DCLK3: variants seen among roughly 807,000 people sequenced by gnomAD.
The protein encoded by DCLK3 is serine/threonine-protein kinase DCLK3.
DCLK3 carries 30 observed loss-of-function variants against 46.4 expected under a neutral mutation model. The observed-to-expected ratio is 0.65, with a 90% CI of 0.48 to 0.88. The LOEUF (loss-of-function observed/expected upper bound fraction) is 0.88, where lower values mean the gene tolerates loss of function less well. Among genes scored for constraint, DCLK3 ranks in the 40% least tolerant of loss-of-function variants. DCLK3 has a pLI of 0.00. For synonymous variants in DCLK3, 401 were observed against 339.2 expected (o/e 1.18, Z -2.00); for missense variants, 846 against 907.1 (o/e 0.93, Z 0.87).
intron 1 of DCLK3, among the ~76,000 whole-genome samples, chr3:36,744,613 G>A (rs1475862666): frequency 6.6e-6 from 1 of 152,196 alleles, no homozygotes; most frequent in Non-Finnish European, 1.5e-5. Context: ...GATGTCCAGT[G>A]CATTGCTCTG....
chr3:36,740,970 T>C (rs1375682388), intron 1 of DCLK3, among the ~76,000 whole-genome samples: 1 of 152,214 alleles, frequency 6.6e-6, no homozygotes, highest in East Asian at 1.9e-4. Flanking sequence ...ATGATTTCCA[T>C]CTAGACGCAG....
intron 1 of DCLK3, among the ~76,000 whole-genome samples, chr3:36,750,440 C>T (rs1170067939): frequency 6.6e-6 from 1 of 152,194 alleles, no homozygotes; most frequent in Non-Finnish European, 1.5e-5. Flanking sequence ...AATAGCTCCA[C>T]TGTGCTGTTT....
At chr3:36,729,252 G>C (rs1006665960) in intron 2 of DCLK3, among the ~76,000 whole-genome samples, 1 of 109,146 alleles carries the variant, frequency 9.2e-6, no homozygotes, top group Admixed American at 8.4e-5. Flanking sequence ...TGTGTGTGGG[G>C]GGGGGGGGTA....
rs1303960670 is a variant in DCLK3, at chr3:36,713,904, A to G, written c.*1424T>C. On this transcript the variant is annotated 3_prime_UTR_variant, in exon 5 of 5. Coordinates refer to ENST00000636136, the MANE Select transcript of DCLK3 (RefSeq NM_001394672.2). The stretch of plus-strand genomic sequence containing the variant: ...TATAGCCTGCTTCAGGAGGGAGCTG[A>G]AAGGTGTCTCTTCCAGTGGAGGGTA... 1 of 152,306 alleles carries G rather than the reference A, an allele frequency of 6.6e-6. No individual in the cohort carries two copies. The highest frequency in any genetic ancestry group is 2.4e-5 in the African/African-American group (1 of 41,446). 9.4% of individuals were successfully genotyped at this position (152,306 alleles called of 1,614,324 possible).
chr3:36,751,377 C>T (rs1701440316), intron 1 of DCLK3, among the ~76,000 whole-genome samples: 1 of 152,214 alleles, frequency 6.6e-6, no homozygotes, highest in African/African-American at 2.4e-5. Context: ...CTAGCCCGTC[C>T]TCCCAGGATA....
chr3:36,737,501 T>C lies in DCLK3; in HGVS notation c.1666A>G (p.Ile556Val). 1 of 1,614,212 alleles carries C rather than the reference T, an allele frequency of 6.2e-7. No homozygotes were observed. The highest frequency in any genetic ancestry group is 8.5e-7 in the Non-Finnish European group (1 of 1,180,038). The change falls in exon 2 of 5, where the codon ATT becomes GTT. Residue 556 changes from isoleucine (I) to valine (V), a missense_variant. By Grantham distance (29) the Ile-to-Val change is conservative (BLOSUM62 3). This residue lies in a region of DCLK3 where 247 missense variants were observed against 322.8 expected (regional missense o/e 0.77). Coordinates refer to ENST00000636136, the MANE Select transcript of DCLK3 (RefSeq NM_001394672.2). The surrounding 1 kb of genome is among the most constrained non-coding windows in gnomAD (Gnocchi z 4.4). Reference protein sequence around the residue: ...ETRQAYAMKIIDKSRLKGKED... With the variant: ...ETRQAYAMKIVDKSRLKGKED... ...TTGCCCTTGAGTCTGGACTTGTCAATGATCTTCATCGCATAGGCCTGCCTG... is the reference window on the plus strand; with the variant it reads ...TTGCCCTTGAGTCTGGACTTGTCAACGATCTTCATCGCATAGGCCTGCCTG...
chr3:36,718,131 A>G lies in DCLK3; in HGVS notation c.2139T>C (p.Tyr713=). The G allele has an allele frequency of 5.0e-6, 8 of 1,614,176 alleles. No individual in the cohort carries two copies. The highest frequency in any genetic ancestry group is 6.8e-6 in the Non-Finnish European group (8 of 1,180,038). ...VDMWAAGVIL[Y]ILLCGFPPFR... is the part of the protein sequence containing the mutation. The stretch of plus-strand genomic sequence containing the variant: ...ATGGGGGAAAGCCACACAGCAGGAT[A>G]TAGAGGATCACGCCAGCAGCCCACA... The change falls in exon 4 of 5, where the codon TAT becomes TAC. Residue 713 remains tyrosine, a synonymous_variant. Coordinates refer to ENST00000636136, the MANE Select transcript of DCLK3 (RefSeq NM_001394672.2).
rs369590553 is a variant in DCLK3, at chr3:36,715,366, G to A, written c.2416C>T (p.Arg806Trp). The change falls in exon 5 of 5, where the codon CGG becomes TGG. Residue 806 changes from arginine to tryptophan, a missense_variant. Physicochemically the swap from Arg to Trp is moderately radical, Grantham distance 101. This residue lies in a region of DCLK3 where 46 missense variants were observed against 41.3 expected (regional missense o/e 1.11). Coordinates refer to ENST00000636136, the MANE Select transcript of DCLK3 (RefSeq NM_001394672.2). ...QVSPSSEGHF[R>W]SQHKRVVEQV... ...TCCACAACCCTCTTGTGCTGGCTCC[G>A]GAAGTGACCCTCGCTGCTGGGGGAC... 53 of 1,613,980 alleles carry A rather than the reference G, an allele frequency of 3.3e-5. No individual in the cohort carries two copies. The highest frequency in any genetic ancestry group is 1.1e-4 in the South Asian group (10 of 91,068).
intron 2 of DCLK3, among the ~76,000 whole-genome samples, chr3:36,726,687 G>A (rs1701129107): frequency 6.6e-6 from 1 of 152,080 alleles, no homozygotes; most frequent in Non-Finnish European, 1.5e-5. Context: ...CTTAATTGCT[G>A]AGCCCCAGTC....
intron 1 of DCLK3, among the ~76,000 whole-genome samples, chr3:36,741,762 T>C (rs1022742609): frequency 6.6e-6 from 1 of 152,206 alleles, no homozygotes; most frequent in African/African-American, 2.4e-5. Flanking sequence ...GGTCAGCCAC[T>C]ATATGACAGT....
chr3:36,735,963 A>G (rs1701257070), intron 2 of DCLK3, among the ~76,000 whole-genome samples: 1 of 152,248 alleles, frequency 6.6e-6, no homozygotes, highest in Non-Finnish European at 1.5e-5. Context: ...GGGAGACAGA[A>G]AGGCAAATAT....
intron 2 of DCLK3, among the ~76,000 whole-genome samples, chr3:36,734,886 T>C (rs1023179938): frequency 1.1e-4 from 16 of 152,222 alleles, no homozygotes; most frequent in Non-Finnish European, 1.8e-4. Flanking sequence ...CTCCATGTGA[T>C]CTATAACAGT....
In DCLK3 at chr3:36,721,582, T is replaced by C; in HGVS notation, c.2037A>G (p.Ile679Met). 3 of 1,614,156 alleles carry C rather than the reference T, an allele frequency of 1.9e-6. No individual in the cohort carries two copies. Among genetic ancestry groups the C allele is most frequent in the East Asian group, 4.5e-5 (2 of 44,886 alleles). The change falls in exon 3 of 5, where the codon ATA becomes ATG. Residue 679 changes from isoleucine (I) to methionine (M), a missense_variant. Transcript: ENST00000636136. ...FGLAKHVVRPIFTVCGTPTYV... is the reference protein window; with the variant it reads ...FGLAKHVVRPMFTVCGTPTYV... ...AAGTTGGGGTCCCACACACAGTAAA[T>C]ATAGGTCTCACCACATGCTTTGCAA...
chr3:36,755,418 T>C (rs369570277), intron 1 of DCLK3, among the ~76,000 whole-genome samples: 3 of 152,158 alleles, frequency 2.0e-5, no homozygotes, highest in African/African-American at 7.2e-5. Context: ...ATTTAACGTA[T>C]AATGAAAGGT....
intron 2 of DCLK3, among the ~76,000 whole-genome samples, chr3:36,736,106 G>T (rs1701259119): frequency 6.6e-6 from 1 of 152,208 alleles, no homozygotes; most frequent in Admixed American, 6.5e-5. Flanking sequence ...CCGACTCATT[G>T]TCATAAGGGA....
chr3:36,721,423 C>T (rs1485540186), intron 3 of DCLK3, 104 bp downstream of exon 3: 8 of 1,441,974 alleles, frequency 5.5e-6, no homozygotes, highest in Middle Eastern at 1.8e-4. Context: ...GCCTAAGTGT[C>T]AGTTCTCTGA....
chr3:36,751,874 A>G (rs1701444657), intron 1 of DCLK3, among the ~76,000 whole-genome samples: 2 of 152,262 alleles, frequency 1.3e-5, no homozygotes, highest in South Asian at 2.1e-4. Flanking sequence ...CAATGAAAAC[A>G]GACTATTGGT....
At chr3:36,725,035 C>T (rs1701108390) in intron 2 of DCLK3, among the ~76,000 whole-genome samples, 1 of 150,364 alleles carries the variant, frequency 6.7e-6, no homozygotes, top group Non-Finnish European at 1.5e-5. Context: ...AAAAAATGGG[C>T]CGGGCTCGGT....
chr3:36,740,110 T>A (rs2125532155), intron 1 of DCLK3, among the ~76,000 whole-genome samples: 1 of 151,616 alleles, frequency 6.6e-6, no homozygotes, highest in South Asian at 2.1e-4. Context: ...CCTGGACAAA[T>A]TATTTGCATT....
Sources: gnomAD v4.1 joint callset for allele counts (sites outside exome capture counted in the v4.1 genomes callset) on GRCh38, gnomAD v4.1.1 for gene constraint, gnomAD v4.1.1 regional missense constraint, Gnocchi (gnomAD v3.1) non-coding constraint, MANE v1.5 for transcripts, NCBI Gene and HGNC (gene_info 2026-07-23, HGNC 2026-07-21) for gene names.